DOCK4: variants seen among roughly 807,000 people sequenced by gnomAD.
DOCK4 encodes dedicator of cytokinesis protein 4.
DOCK4 carries 97 observed loss-of-function variants against 268.1 expected under a neutral mutation model. The ratio of observed to expected loss-of-function variants is 0.36; its 90% confidence interval spans 0.31 to 0.43. The LOEUF is 0.43. DOCK4 is among the 20% of genes least tolerant of loss of function. The probability of loss-of-function intolerance (pLI) is 1.00; values close to 1 mark genes in which losing one functional copy is unlikely to be tolerated. For synonymous variants in DOCK4, 954 were observed against 887.2 expected (o/e 1.08, Z -1.34); for missense variants, 2,145 against 2,455.7 (o/e 0.87, Z 2.67).
intron 1 of DOCK4, among the ~76,000 whole-genome samples, chr7:112,126,651 C>T (rs1018917997): frequency 1.3e-5 from 2 of 152,100 alleles, no homozygotes; most frequent in African/African-American, 2.4e-5. Flanking sequence ...ATTTTTGCAA[C>T]CTACTCATCT....
rs1377867482 is a variant in DOCK4 at position 112,018,171 on chromosome 7, A to C, written c.38-14040T>G. Among the ~76,000 whole-genome samples the C allele has an allele frequency of 6.2e-3, 853 of 136,658 alleles. 28 individuals carry two copies. Among genetic ancestry groups the C allele is most frequent in the African/African-American group, 0.021 (748 of 35,276 alleles). 89.7% of individuals were successfully genotyped at this position (136,658 alleles called of 152,430 possible). On this transcript the variant is annotated intron_variant, in intron 1 of 52. Transcript: ENST00000428084. ...AAAAAAAAAAAAAAAAAAAAAAAAA[A>C]AAAAAAAAACACAGGCAACCAGTAT...
chr7:112,161,395 G>A (rs1404176281), intron 1 of DOCK4, among the ~76,000 whole-genome samples: 4 of 152,072 alleles, frequency 2.6e-5, no homozygotes, highest in African/African-American at 9.7e-5. Flanking sequence ...ACATAGTAAT[G>A]GGAAGGAAAG....
rs1200291810 is a variant in DOCK4 at position 111,746,314 on chromosome 7, T to C, written c.4677+20A>G. The C allele has an allele frequency of 1.2e-6, 2 of 1,603,948 alleles. No individual in the cohort carries two copies. The highest frequency in any genetic ancestry group is 1.7e-6 in the Non-Finnish European group (2 of 1,173,792). ...CATATCCAGGCAAAATAGAAGGGGG[T>C]TGGCTTCTGCTTCCCTTACCTGCTC... is the stretch of plus-strand genomic sequence containing the variant. On this transcript the variant is annotated intron_variant, in intron 44 of 52. Transcript: ENST00000428084.
chr7:111,935,716 A>C (rs1586428052), intron 11 of DOCK4, 88 bp from the exon 12 acceptor site: 2 of 1,165,794 alleles, frequency 1.7e-6, no homozygotes, highest in Non-Finnish European at 2.5e-6. Context: ...TTTCGTTATA[A>C]CCACTATAAT....
intron 1 of DOCK4, among the ~76,000 whole-genome samples, chr7:112,049,254 G>A (rs1805135098): frequency 6.6e-6 from 1 of 152,146 alleles, no homozygotes; most frequent in Admixed American, 6.5e-5. Flanking sequence ...ACAAAGGCTT[G>A]AAGGAGAGAA....
chr7:111,910,662 T>A (rs1792021578), intron 13 of DOCK4, among the ~76,000 whole-genome samples: 1 of 152,228 alleles, frequency 6.6e-6, no homozygotes, highest in Admixed American at 6.5e-5. Flanking sequence ...GTCGCTCAAA[T>A]GATGTTCCTA....
chr7:111,746,808 T>A (rs1379368870), intron 43 of DOCK4, among the ~76,000 whole-genome samples: 1 of 117,914 alleles, frequency 8.5e-6, no homozygotes, highest in Non-Finnish European at 1.7e-5. Context: ...GCAAGATCGG[T>A]CTTATCTTTT....
At chr7:112,066,664 CATATACATATACATATATACATATACAT>C (rs1484842969) in intron 1 of DOCK4, among the ~76,000 whole-genome samples, 1 of 30,108 alleles carries the variant, frequency 3.3e-5, no homozygotes, top group African/African-American at 3.1e-4. Flanking sequence ...ACATATTATA[CATATACATATACATATATACATATACAT>C]ATATATATAT....
At chr7:111,811,745 A>G (rs1801152461) in intron 28 of DOCK4, 129 bp downstream of exon 28, 4 of 639,114 alleles carry the variant, frequency 6.3e-6, no homozygotes, top group East Asian at 2.9e-5. Context: ...GTTCACAAAT[A>G]TAATGAAAAC....
chr7:111,851,177 G>C (rs1031615129), intron 23 of DOCK4, among the ~76,000 whole-genome samples: 4 of 152,112 alleles, frequency 2.6e-5, no homozygotes, highest in African/African-American at 9.7e-5. Context: ...GGGTGCGGTG[G>C]CTCACACCTG....
At chr7:112,187,769 T>C (rs1434609600) in intron 1 of DOCK4, among the ~76,000 whole-genome samples, 1 of 152,200 alleles carries the variant, frequency 6.6e-6, no homozygotes, top group Non-Finnish European at 1.5e-5. Flanking sequence ...TTGCACAGTA[T>C]GGTCAGTGAG....
intron 34 of DOCK4, 94 bp from the exon 35 acceptor site, chr7:111,783,018 GAA>G (rs35825505): frequency 0.021 from 10,432 of 507,812 alleles, 1 homozygote; most frequent in East Asian, 0.044. Flanking sequence ...AAGAAAGAAA[GAA>G]AAAAAAAAAA....
intron 36 of DOCK4, among the ~76,000 whole-genome samples, chr7:111,774,801 C>G (rs1798344970): frequency 6.6e-6 from 1 of 152,162 alleles, no homozygotes; most frequent in Admixed American, 6.5e-5. Context: ...AGTTGGCAAA[C>G]TTTTTCTTAA....
intron 1 of DOCK4, among the ~76,000 whole-genome samples, chr7:112,137,360 T>C (rs1814459592): frequency 6.6e-6 from 1 of 152,186 alleles, no homozygotes; most frequent in African/African-American, 2.4e-5. Flanking sequence ...CGTCAAGGCC[T>C]CTGTCAGAGG....
chr7:111,810,525 A>G (rs1801044550), intron 28 of DOCK4, among the ~76,000 whole-genome samples: 1 of 151,984 alleles, frequency 6.6e-6, no homozygotes, highest in Non-Finnish European at 1.5e-5. Flanking sequence ...AATAACTAGT[A>G]ACTAGTCAAT....
At chr7:111,889,268 T>A (rs556399091) in intron 16 of DOCK4, among the ~76,000 whole-genome samples, 29 of 152,268 alleles carry the variant, frequency 1.9e-4, no homozygotes, top group Non-Finnish European at 4.1e-4. Flanking sequence ...AGTCAAGTGA[T>A]CAATTCTTCT....
chr7:111,961,815 T>C (rs1018957897), intron 8 of DOCK4, among the ~76,000 whole-genome samples: 1 of 152,226 alleles, frequency 6.6e-6, no homozygotes, highest in Admixed American at 6.5e-5. Flanking sequence ...CTAGGCAGAA[T>C]GGAATTCAGA....
chr7:111,842,525 G>C (rs1803778610), intron 25 of DOCK4, among the ~76,000 whole-genome samples: 1 of 152,174 alleles, frequency 6.6e-6, no homozygotes, highest in African/African-American at 2.4e-5. Context: ...ACCCTCATGA[G>C]GATGTAGTGA....
chr7:112,155,928 T>C (rs779437673), intron 1 of DOCK4, among the ~76,000 whole-genome samples: 1 of 152,174 alleles, frequency 6.6e-6, no homozygotes, highest in Non-Finnish European at 1.5e-5. Context: ...ATTTTTAATT[T>C]TATTTACATT....
Sources: allele counts gnomAD v4.1 joint callset (sites outside exome capture counted in the v4.1 genomes callset), GRCh38; gene constraint gnomAD v4.1.1; transcripts MANE v1.5; gene names NCBI Gene and HGNC (gene_info 2026-07-23, HGNC 2026-07-21).